Variants in OSBPL5 observed in about 807,000 individuals in gnomAD.
OSBPL5 encodes the protein oxysterol binding protein like 5.
A neutral mutation model predicts 111.2 loss-of-function variants in OSBPL5; 71 were observed. The observed-to-expected ratio is 0.64, with a 90% CI of 0.53 to 0.78. The LOEUF is 0.78. Ranked by LOEUF, OSBPL5 falls within the 30% of genes least tolerant of loss-of-function variation. The pLI, the probability that OSBPL5 is intolerant of heterozygous loss-of-function variation, is 0.00. For missense variants in OSBPL5, 1,210 were observed against 1,189.3 expected (o/e 1.02, Z -0.26); for synonymous variants, 549 against 513.9 (o/e 1.07, Z -0.93).
chr11:3,144,653 C>T (rs1487824054), intron 1 of OSBPL5, among the ~76,000 whole-genome samples: 1 of 152,214 alleles, frequency 6.6e-6, no homozygotes, highest in Non-Finnish European at 1.5e-5. Context: ...TTGGGGACAC[C>T]CCATGTTATG....
rs148516325 is a variant in OSBPL5 at position 3,127,879 on chromosome 11, G to A, written c.136+1134C>T. Among the ~76,000 whole-genome samples the A allele has an allele frequency of 6.1e-3, 930 of 152,196 alleles. 5 individuals carry two copies. The highest frequency in any genetic ancestry group is 9.3e-3 in the Non-Finnish European group (629 of 67,998). On this transcript the variant is annotated intron_variant, in intron 2 of 21. Coordinates refer to ENST00000263650, the MANE Select transcript of OSBPL5 (RefSeq NM_020896.4). Reference sequence around the variant, plus strand: ...CTGGGACCTACCGCCTCCATTCCTCGGAAAAGGCCCTTCCCAGCACGTCTT... The same window carrying A: ...CTGGGACCTACCGCCTCCATTCCTCAGAAAAGGCCCTTCCCAGCACGTCTT...
intron 1 of OSBPL5, among the ~76,000 whole-genome samples, chr11:3,156,959 G>A (rs1472749106): frequency 2.0e-5 from 3 of 152,216 alleles, no homozygotes; most frequent in Non-Finnish European, 4.4e-5. Context: ...TTTGCCAACC[G>A]CTAAGCCCAT....
chr11:3,144,161 AAC>A (rs1169273041), intron 1 of OSBPL5, among the ~76,000 whole-genome samples: 1 of 152,124 alleles, frequency 6.6e-6, no homozygotes, highest in East Asian at 1.9e-4. Flanking sequence ...TCAGGACAGA[AAC>A]ACACAAAAAA....
At chr11:3,148,551 C>T (rs1340163886) in intron 1 of OSBPL5, among the ~76,000 whole-genome samples, 1 of 152,236 alleles carries the variant, frequency 6.6e-6, no homozygotes, top group Non-Finnish European at 1.5e-5. Flanking sequence ...AGACGGGGCG[C>T]TGTCTGGAAC....
intron 14 of OSBPL5, among the ~76,000 whole-genome samples, chr11:3,099,312 C>A (rs1857379213): frequency 6.6e-6 from 1 of 152,150 alleles, no homozygotes; most frequent in African/African-American, 2.4e-5. Context: ...GATACATGTC[C>A]TTCTGTATTT....
At chr11:3,150,846 C>T (rs75593826) in intron 1 of OSBPL5, among the ~76,000 whole-genome samples, 150 of 152,286 alleles carry the variant, frequency 9.8e-4, no homozygotes, top group Middle Eastern at 6.8e-3. Context: ...ATCCCCATGC[C>T]CCAGAATGCC....
In OSBPL5 at chr11:3,093,608, G is replaced by A. The variant is rs772979791; in HGVS notation, c.1865C>T (p.Thr622Ile). 3 of 1,612,976 alleles carry A rather than the reference G, an allele frequency of 1.9e-6. No homozygotes were observed. Among genetic ancestry groups the A allele is most frequent in the South Asian group, 2.2e-5 (2 of 91,084 alleles). ...CTGTCTGCGGACCTCCCCGCTCGGG[G>A]TCCAGAAAAGCGCACTGCTTCCGCT... ...EGSGSSALFW[T>I]PSGEVRRQRL... Residue 622 changes from threonine to isoleucine, a missense_variant, in exon 17 of 22, where the codon ACC (threonine) becomes ATC (isoleucine). Transcript: ENST00000263650.
At chr11:3,090,111 G>C (rs377069092) in intron 20 of OSBPL5, among the ~76,000 whole-genome samples, 163 bp from the exon 21 acceptor site, 4 of 152,218 alleles carry the variant, frequency 2.6e-5, no homozygotes, top group African/African-American at 7.2e-5. Context: ...GGAGATGAGG[G>C]AGGGGTGCTG....
chr11:3,108,072 AC>A (rs1395613180), intron 7 of OSBPL5, 127 bp from the exon 8 acceptor site: 3 of 1,245,774 alleles, frequency 2.4e-6, no homozygotes, highest in Non-Finnish European at 3.2e-6. Context: ...TCCCAGACCC[AC>A]CCCTGGCCCT....
Position 3,104,422 on chromosome 11 carries a change from G to C in OSBPL5, c.1060-45C>G. 1 of 1,589,390 alleles carries C rather than the reference G, an allele frequency of 6.3e-7. No individual in the cohort carries two copies. On this transcript the variant is annotated intron_variant, in intron 9 of 21. Transcript: ENST00000263650. This position sits in a 1 kb window ranked among gnomAD's most constrained non-coding sequence, Gnocchi z 5.0. ...GTCAGGCCCTGCCCGGAAGAGCCGG[G>C]AGGAAGGGGTGGCGGGACAGTGGCA...
Position 3,103,799 on chromosome 11 carries a change from TGCAGCCCTCTTCCTGCCTGC to T in OSBPL5, c.1244+374_1244+393del, listed in dbSNP as rs1258223507. Among the ~76,000 whole-genome samples the T allele has an allele frequency of 6.2e-3, 277 of 44,884 alleles. 4 individuals carry two copies. The highest frequency in any genetic ancestry group is 0.014 in the South Asian group (21 of 1,528). 29.4% of individuals were successfully genotyped at this position (44,884 alleles called of 152,430 possible). A position where few individuals can be genotyped will look rare whatever the true frequency, so the allele number is the denominator to read the frequency against. On this transcript the variant is annotated intron_variant, in intron 10 of 21. Coordinates refer to ENST00000263650, the MANE Select transcript of OSBPL5 (RefSeq NM_020896.4). ...AGCCTCTGCAGTCCCTTCCTGCCTC[TGCAGCCCTCTTCCTGCCTGC>T]GCAGCCCCCTTCCAGCCTCTGCAGC... is the stretch of plus-strand genomic sequence containing the variant.
chr11:3,161,446 G>A lies in OSBPL5; in HGVS notation c.-22+3770C>T, dbSNP rs1393116872. The A allele has an allele frequency of 1.3e-5, 2 of 152,244 alleles. No individual in the cohort carries two copies. The highest frequency in any genetic ancestry group is 2.9e-5 in the Non-Finnish European group (2 of 68,054). 9.4% of individuals were successfully genotyped at this position (152,244 alleles called of 1,614,324 possible). On this transcript the variant is annotated intron_variant, in intron 1 of 21. Coordinates refer to ENST00000263650, the MANE Select transcript of OSBPL5 (RefSeq NM_020896.4). This position sits in a 1 kb window ranked among gnomAD's most constrained non-coding sequence, Gnocchi z 8.0. ...TGCTGGTGAAACCAGGACATGGTGG[G>A]TGGGACTTGCTAGATGGGGGCAGCC...
chr11:3,093,878 G>A (rs746347201), intron 15 of OSBPL5, 43 bp from the exon 16 acceptor site: 65 of 1,576,536 alleles, frequency 4.1e-5, no homozygotes, highest in Middle Eastern at 3.3e-4. Context: ...AGCGGGGGCT[G>A]GGGCCTCCAG....
chr11:3,146,855 C>T lies in OSBPL5; in HGVS notation c.-21-17686G>A, dbSNP rs753218323. On this transcript the variant is annotated intron_variant, in intron 1 of 21. Coordinates refer to ENST00000263650, the MANE Select transcript of OSBPL5 (RefSeq NM_020896.4). This position sits in a 1 kb window ranked among gnomAD's most constrained non-coding sequence, Gnocchi z 7.8. Reference sequence around the variant, plus strand: ...TCCCCTTCGCCGTGGCTGGAGCTGGCGTTTCTATTTATGATTCGCCTCTCA... The same window carrying T: ...TCCCCTTCGCCGTGGCTGGAGCTGGTGTTTCTATTTATGATTCGCCTCTCA... Among the ~76,000 whole-genome samples the T allele has an allele frequency of 7.2e-5, 11 of 152,148 alleles. 1 individual carries two copies. The highest frequency in any genetic ancestry group is 4.1e-4 in the South Asian group (2 of 4,824).
At position 3,123,061 on chromosome 11, in the gene OSBPL5, C is replaced by A. The variant is rs199853202; in HGVS notation, c.220-633G>T. ...GGTGGGGGGTGTGCAGTGGGGGTGC[C>A]CACCCCATCCCCTGGGAGCCGTGGG... On this transcript the variant is annotated intron_variant, in intron 3 of 21. Coordinates refer to ENST00000263650, the MANE Select transcript of OSBPL5 (RefSeq NM_020896.4). 2.3e-4 allele frequency among the ~76,000 whole-genome samples: 35 copies of A among 152,288 alleles called. 1 individual carries two copies. The East Asian group carries it at 6.8e-3, about 29-fold the overall frequency.
At chr11:3,102,134 G>A (rs766752422) in intron 12 of OSBPL5, 49 bp downstream of exon 12, 77 of 1,156,850 alleles carry the variant, frequency 6.7e-5, no homozygotes, top group Non-Finnish European at 7.9e-5. Flanking sequence ...ACAGAGCCCC[G>A]CCCCATAGAG....
rs1846062526 is a variant in OSBPL5 at position 3,140,149 on chromosome 11, CAGCCACCA to C, written c.-21-10988_-21-10981del. On this transcript the variant is annotated intron_variant, in intron 1 of 21. Coordinates refer to ENST00000263650, the MANE Select transcript of OSBPL5 (RefSeq NM_020896.4). The surrounding 1 kb of genome is among the most constrained non-coding windows in gnomAD (Gnocchi z 4.5). ...AACCCGGCCAAGGTCCCCCAAATTG[CAGCCACCA>C]TCTCGGGCTGTATTAACAGAGGTTG... Among the ~76,000 whole-genome samples, 1 of 152,244 alleles carries C rather than the reference CAGCCACCA, an allele frequency of 6.6e-6. No homozygotes were observed. Among genetic ancestry groups the C allele is most frequent in the South Asian group, 2.1e-4 (1 of 4,838 alleles).
At chr11:3,112,399 A>G (rs1275029136) in intron 7 of OSBPL5, among the ~76,000 whole-genome samples, 1 of 152,052 alleles carries the variant, frequency 6.6e-6, no homozygotes, top group Non-Finnish European at 1.5e-5. Flanking sequence ...TGAAACCCCA[A>G]GAATGTAAAC....
chr11:3,147,532 C>T (rs1031151431), intron 1 of OSBPL5, among the ~76,000 whole-genome samples: 14 of 152,388 alleles, frequency 9.2e-5, no homozygotes, highest in African/African-American at 2.9e-4. Flanking sequence ...GACGGAGCAA[C>T]GCAGGCAGAG....
Sources: allele counts gnomAD v4.1 joint callset (sites outside exome capture counted in the v4.1 genomes callset), GRCh38; gene constraint gnomAD v4.1.1; non-coding constraint Gnocchi (gnomAD v3.1); transcripts MANE v1.5; gene names NCBI Gene and HGNC (gene_info 2026-07-23, HGNC 2026-07-21).